The following C16orf96 variants were observed in gnomAD, a reference collection of about 807,000 sequenced individuals.
The protein encoded by C16orf96 is uncharacterized protein C16orf96.
Under a neutral mutation model 103.6 loss-of-function variants are expected in C16orf96, and 108 were observed. That is an observed-to-expected ratio of 1.04 (90% CI 0.89 to 1.22). C16orf96 has a LOEUF of 1.22. C16orf96 is among the 50% of genes most tolerant of loss of function. C16orf96 has a pLI of 0.00. For missense variants in C16orf96, 1,586 were observed against 1,464.2 expected, an observed-to-expected ratio of 1.08 and a Z score of -1.36; for synonymous variants, 566 against 593.5, an observed-to-expected ratio of 0.95 and a Z score of 0.67.
upstream of C16orf96, among the ~76,000 whole-genome samples, chr16:4,554,367 T>C (rs2059244180): frequency 6.6e-6 from 1 of 151,798 alleles, no homozygotes; most frequent in Non-Finnish European, 1.5e-5. Context: ...CTTTTTTTTT[T>C]TGAGACAGAG....
At position 4,575,507 on chromosome 16, in the gene C16orf96, G is replaced by A. The variant is rs1259817605; in HGVS notation, c.1027G>A (p.Glu343Lys). ...EPVPGLELGL[E>K]LEPVPALGPV... is the part of the protein sequence containing the mutation. ...TGTGCCAGGACTGGAGCTGGGGCTG[G>A]AGCTGGAGCCTGTGCCTGCCCTGGG... Residue 343 changes from glutamate (E) to lysine (K), a missense_variant, in exon 5 of 16, where the codon GAG (glutamate) becomes AAG (lysine). Coordinates refer to ENST00000444310, the MANE Select transcript of C16orf96 (RefSeq NM_001145011.2). 67 of 1,546,948 alleles carry A rather than the reference G, an allele frequency of 4.3e-5. No individual in the cohort carries two copies. The highest frequency in any genetic ancestry group is 5.8e-5 in the Non-Finnish European group (66 of 1,146,720).
rs1035530214 is a variant in C16orf96 at position 4,575,973 on chromosome 16, A to C, written c.1493A>C (p.Asp498Ala). ...AAAGATAGAGGTGGCAAGGATGTGG[A>C]CCCCAAGGATAGAGCTCACAAGGAT... ...VPKDRGGKDV[D>A]PKDRAHKDDV... The change falls in exon 5 of 16, where the codon GAC becomes GCC. Residue 498 changes from aspartate (D) to alanine (A), a missense_variant. Asp to Ala is a moderately radical substitution (Grantham distance 126, BLOSUM62 -2). Coordinates refer to ENST00000444310, the MANE Select transcript of C16orf96 (RefSeq NM_001145011.2). The C allele has an allele frequency of 1.9e-6, 3 of 1,548,984 alleles. No homozygotes were observed. The highest frequency in any genetic ancestry group is 2.6e-6 in the Non-Finnish European group (3 of 1,145,938).
At chr16:4,586,056 T>C (rs184263895) in intron 7 of C16orf96, among the ~76,000 whole-genome samples, 114 of 152,112 alleles carry the variant, frequency 7.5e-4, no homozygotes, top group African/African-American at 2.7e-3. Flanking sequence ...GGTCAGGAGT[T>C]CGAGACCATC....
At chr16:4,555,413 G>A (rs893545124), upstream of C16orf96, among the ~76,000 whole-genome samples, 6 of 150,918 alleles carry the variant, frequency 4.0e-5, no homozygotes, top group Non-Finnish European at 7.4e-5. Flanking sequence ...TCGCTCTGTC[G>A]CCCAGGCTGG....
intron 1 of C16orf96, among the ~76,000 whole-genome samples, chr16:4,561,963 G>A (rs909998972): frequency 1.3e-5 from 2 of 152,164 alleles, no homozygotes; most frequent in African/African-American, 4.8e-5. Context: ...GTTTGTTGTT[G>A]AAACTGTTTC....
intron 1 of C16orf96, chr16:4,563,084 A>G (rs2059349537): frequency 7.5e-6 from 6 of 803,208 alleles, no homozygotes; most frequent in Non-Finnish European, 1.3e-5. Context: ...TTGCTTCTTT[A>G]CAGGTTTTTC....
At chr16:4,540,533 G>T in the C16orf96 span, among the ~76,000 whole-genome samples, 1 of 152,006 alleles carries the variant, frequency 6.6e-6, no homozygotes, top group African/African-American at 2.4e-5. Flanking sequence ...AGGAGTTTGA[G>T]ACCAGCCTGG....
chr16:4,560,464 T>A (rs2059317362), intron 1 of C16orf96: 1 of 152,078 alleles, frequency 6.6e-6, no homozygotes, highest in African/African-American at 2.4e-5. Context: ...CCTCCCAAAG[T>A]GCTGAGATTA....
rs773317673 is a variant in C16orf96 at position 4,580,011 on chromosome 16, T to C, written c.2242-4T>C. ...CCTGGGGTGTCTGTGTCTCCCCCTT[T>C]TAGGAGGAAGAACTTGAGAGAATTT... On this transcript the variant is annotated splice_region_variant and splice_polypyrimidine_tract_variant and intron_variant, in intron 6 of 15. Transcript: ENST00000444310. 1.3e-6 allele frequency: 2 copies of C among 1,549,042 alleles called. No individual in the cohort carries two copies. Among genetic ancestry groups the C allele is most frequent in the Admixed American group, 2.0e-5 (1 of 50,936 alleles).
rs1897239272 is a variant in C16orf96, at chr16:4,599,384, C to T, written c.3208+20C>T. 6 of 1,542,860 alleles carry T rather than the reference C, an allele frequency of 3.9e-6. No individual in the cohort carries two copies. The East Asian group carries it at 1.2e-4, about 31-fold the overall frequency. On this transcript the variant is annotated intron_variant, in intron 15 of 15. Transcript: ENST00000444310. ...GCCCCCGTGAGTACCTGGTTCCCAG[C>T]CCCAGCCCAGCTGTGATTCTGGAAG... is the stretch of plus-strand genomic sequence containing the variant.
At chr16:4,574,812 T>TC in intron 3 of C16orf96, 23 bp downstream of exon 3, 2 of 1,549,704 alleles carry the variant, frequency 1.3e-6, no homozygotes, top group South Asian at 1.2e-5. Context: ...ATCCCTGTCT[T>TC]CCCCCACTCC....
the C16orf96 span, among the ~76,000 whole-genome samples, chr16:4,539,631 G>A: frequency 2.2e-4 from 34 of 152,140 alleles, no homozygotes; most frequent in Non-Finnish European, 7.3e-5. Context: ...GTTGCAGTGA[G>A]CTGAGATTAT....
At chr16:4,542,838 A>T in the C16orf96 span, among the ~76,000 whole-genome samples, 1 of 152,054 alleles carries the variant, frequency 6.6e-6, no homozygotes, top group Non-Finnish European at 1.5e-5. Flanking sequence ...CTTTTTTCAC[A>T]CTGTTTTTGA....
At chr16:4,539,447 G>A in the C16orf96 span, among the ~76,000 whole-genome samples, 2 of 152,216 alleles carry the variant, frequency 1.3e-5, no homozygotes, top group Non-Finnish European at 2.9e-5. Flanking sequence ...ACTTTGGAAG[G>A]CTGACGCAGG....
intron 1 of C16orf96, among the ~76,000 whole-genome samples, chr16:4,568,264 A>T (rs1238784628): frequency 6.6e-6 from 1 of 152,094 alleles, no homozygotes; most frequent in Non-Finnish European, 1.5e-5. Flanking sequence ...GCATAATTTC[A>T]GTCCTTTTGA....
At chr16:4,567,280 C>CTTTTTTTTT (rs71139642) in intron 1 of C16orf96, among the ~76,000 whole-genome samples, 1 of 62,604 alleles carries the variant, frequency 1.6e-5, no homozygotes, top group African/African-American at 5.9e-5. Flanking sequence ...TATTTCTTTT[C>CTTTTTTTTT]TTTTTTTTTT....
chr16:4,596,224 C>G (rs1458212688), intron 14 of C16orf96, among the ~76,000 whole-genome samples: 1 of 152,234 alleles, frequency 6.6e-6, no homozygotes, highest in South Asian at 2.1e-4. Context: ...CGGTGGCTCA[C>G]GCCTGTAATC....
chr16:4,546,220 G>C, the C16orf96 span, among the ~76,000 whole-genome samples: 1 of 148,028 alleles, frequency 6.8e-6, no homozygotes, highest in Non-Finnish European at 1.5e-5. Context: ...GTGCAGTGGT[G>C]TAATCTCGGC....
intron 9 of C16orf96, 82 bp from the exon 10 acceptor site, chr16:4,591,584 G>GT: frequency 8.8e-7 from 1 of 1,137,594 alleles, no homozygotes; most frequent in Non-Finnish European, 1.3e-6. Flanking sequence ...AACTTCCCAG[G>GT]TTGCTGCAAC....
Sources: allele counts gnomAD v4.1 joint callset (sites outside exome capture counted in the v4.1 genomes callset), GRCh38; gene constraint gnomAD v4.1.1; transcripts MANE v1.5; gene names NCBI Gene and HGNC (gene_info 2026-07-23, HGNC 2026-07-21).